The following CA13 variants were observed in gnomAD, a reference collection of about 807,000 sequenced individuals.
CA13 encodes carbonic anhydrase 13.
CA13 carries 21 observed loss-of-function variants against 31.5 expected under a neutral mutation model. That is an observed-to-expected ratio of 0.67 (90% CI 0.47 to 0.96). The LOEUF (loss-of-function observed/expected upper bound fraction) is 0.96. Among genes scored for constraint, CA13 ranks in the 40% least tolerant of loss-of-function variants. The probability of loss-of-function intolerance (pLI) is 0.00; values close to 1 mark genes in which losing one functional copy is unlikely to be tolerated. For missense variants in CA13, 315 were observed against 318.9 expected (o/e 0.99, Z 0.09); for synonymous variants, 117 against 111.4 (o/e 1.05, Z -0.32).
At chr8:85,249,717 A>T (rs1444392113) in intron 1 of CA13, 2 of 238,362 alleles carry the variant, frequency 8.4e-6, no homozygotes, top group African/African-American at 4.7e-5. Flanking sequence ...CTTAGTCAGT[A>T]GCCCAGTGTA....
intron 1 of CA13, among the ~76,000 whole-genome samples, chr8:85,248,086 C>T (rs1813761635): frequency 6.6e-6 from 1 of 152,202 alleles, no homozygotes; most frequent in Admixed American, 6.5e-5. Flanking sequence ...GCGAATGTGA[C>T]ATCACTGAAA....
In CA13 at chr8:85,267,926, C is replaced by A; in HGVS notation, c.475C>A (p.Gln159Lys). ...GATTGGTGAACCTAATTCCCAACTG[C>A]AAAAGATTACTGACACTTTGGATTC... ...LQIGEPNSQL[Q>K]KITDTLDSIK... Residue 159 changes from glutamine (Q) to lysine (K), a missense_variant, in exon 5 of 7, where the codon CAA becomes AAA. Gln to Lys is a moderately conservative substitution (Grantham distance 53). Coordinates refer to ENST00000321764, the MANE Select transcript of CA13 (RefSeq NM_198584.3). 1.9e-6 allele frequency: 3 copies of A among 1,595,848 alleles called. No homozygotes were observed. Among genetic ancestry groups the A allele is most frequent in the Non-Finnish European group, 2.6e-6 (3 of 1,166,832 alleles).
intron 1 of CA13, chr8:85,249,931 A>G (rs527507232): frequency 1.6e-5 from 6 of 373,012 alleles, no homozygotes; most frequent in Non-Finnish European, 3.2e-5. Flanking sequence ...GCTCGTTTCA[A>G]TTTCCCTAAC....
chr8:85,265,096 A>G (rs1387342788), intron 3 of CA13, among the ~76,000 whole-genome samples: 2 of 152,248 alleles, frequency 1.3e-5, no homozygotes, highest in African/African-American at 4.8e-5. Context: ...AGGATGGGAT[A>G]AACATGTATT....
chr8:85,279,509 G>C (rs1807665504), intron 6 of CA13, among the ~76,000 whole-genome samples: 1 of 152,204 alleles, frequency 6.6e-6, no homozygotes, highest in Non-Finnish European at 1.5e-5. Flanking sequence ...AAATACACAG[G>C]CTGGTCGGAG....
chr8:85,278,827 G>A (rs895830895), intron 6 of CA13, among the ~76,000 whole-genome samples: 1 of 152,110 alleles, frequency 6.6e-6, no homozygotes, highest in African/African-American at 2.4e-5. Context: ...GTTTCTCTGT[G>A]GTTAGTGCAT....
intron 2 of CA13, among the ~76,000 whole-genome samples, chr8:85,259,194 G>T (rs1238640811): frequency 2.0e-5 from 3 of 152,110 alleles, no homozygotes; most frequent in Non-Finnish European, 4.4e-5. Context: ...TTTCCCAGGT[G>T]TTCCATAAAA....
intron 4 of CA13, among the ~76,000 whole-genome samples, chr8:85,267,536 G>C (rs1436666730): frequency 6.6e-6 from 1 of 152,024 alleles, no homozygotes; most frequent in African/African-American, 2.4e-5. Flanking sequence ...TGAATTGAGG[G>C]GCTGACTGTC....
intron 5 of CA13, 103 bp downstream of exon 5, chr8:85,268,067 G>C: frequency 4.3e-6 from 3 of 693,904 alleles, no homozygotes; most frequent in Non-Finnish European, 7.0e-6. Context: ...TTTGAAGTTT[G>C]CAACATACTT....
intron 3 of CA13, among the ~76,000 whole-genome samples, chr8:85,262,078 A>G (rs967832447): frequency 6.6e-6 from 1 of 152,282 alleles, no homozygotes; most frequent in Non-Finnish European, 1.5e-5. Context: ...TTGAATGCAT[A>G]TTAAAGAACA....
Position 85,281,359 on chromosome 8 carries a change from C to A in CA13, c.*10C>A. The A allele has an allele frequency of 6.2e-7, 1 of 1,613,342 alleles. No homozygotes were observed. Among genetic ancestry groups the A allele is most frequent in the Non-Finnish European group, 8.5e-7 (1 of 1,179,568 alleles). Reference sequence around the variant, plus strand: ...AGCCTCTTTCCATTAAAAATTGTCACCAATGAACTCCCCCAAACATGGCTG... The same window carrying A: ...AGCCTCTTTCCATTAAAAATTGTCAACAATGAACTCCCCCAAACATGGCTG... On this transcript the variant is annotated 3_prime_UTR_variant, in exon 7 of 7. Coordinates refer to ENST00000321764, the MANE Select transcript of CA13 (RefSeq NM_198584.3).
chr8:85,267,489 G>T, intron 4 of CA13: 1 of 183,512 alleles, frequency 5.4e-6, no homozygotes, highest in African/African-American at 2.4e-5. Context: ...AGTGTGAGAT[G>T]TTTGCATCTA....
chr8:85,264,142 C>G (rs112278691), intron 3 of CA13, among the ~76,000 whole-genome samples: 1 of 152,144 alleles, frequency 6.6e-6, no homozygotes, highest in South Asian at 2.1e-4. Context: ...ATCGTCCATT[C>G]TGTGTTTGGA....
chr8:85,259,756 A>G (rs150697523), intron 3 of CA13, among the ~76,000 whole-genome samples: 54 of 152,340 alleles, frequency 3.5e-4, no homozygotes, highest in African/African-American at 1.3e-3. Context: ...TTAGGGTTAT[A>G]TGTTCCCATT....
At chr8:85,258,789 G>A (rs1342809456) in intron 2 of CA13, among the ~76,000 whole-genome samples, 8 of 63,164 alleles carry the variant, frequency 1.3e-4, no homozygotes, top group Non-Finnish European at 2.1e-4. Context: ...AAAAAAAAAA[G>A]GGCTGAGTGT....
rs112000789 is a variant in CA13, at chr8:85,257,049, C to T, written c.236-2372C>T. 3.0e-3 allele frequency among the ~76,000 whole-genome samples: 458 copies of T among 152,208 alleles called. 1 individual carries two copies. The highest frequency in any genetic ancestry group is 9.9e-3 in the African/African-American group (411 of 41,526). ...CCAAGCAAATTGCAGATGTGCTGTT[C>T]ATGTATCTTTACTTCAGAGAACAAG... On this transcript the variant is annotated intron_variant, in intron 2 of 6. Transcript: ENST00000321764.
chr8:85,254,028 C>T (rs955122297), intron 2 of CA13, among the ~76,000 whole-genome samples: 1 of 152,000 alleles, frequency 6.6e-6, no homozygotes, highest in Admixed American at 6.6e-5. Context: ...TCTGTAATCC[C>T]AGCACTTTGG....
Position 85,268,541 on chromosome 8 carries a change from T to C in CA13, c.583T>C (p.Tyr195His). ...LLPPSWDYWT[Y>H]PGSLTVPPLL... ...TCCACCATCCTGGGACTACTGGACA[T>C]ATCCTGGTTCTCTTACAGTTCCACC... Residue 195 changes from tyrosine to histidine, a missense_variant, in exon 6 of 7, where the codon TAT becomes CAT. Transcript: ENST00000321764. The C allele has an allele frequency of 6.2e-7, 1 of 1,614,094 alleles. No individual in the cohort carries two copies. Among genetic ancestry groups the C allele is most frequent in the Non-Finnish European group, 8.5e-7 (1 of 1,179,934 alleles).
At position 85,281,455 on chromosome 8, in the gene CA13, T is replaced by C; in HGVS notation, c.*106T>C. 1.3e-6 allele frequency: 2 copies of C among 1,495,282 alleles called. No individual in the cohort carries two copies. Among genetic ancestry groups the C allele is most frequent in the Non-Finnish European group, 1.8e-6 (2 of 1,117,376 alleles). 92.6% of individuals were successfully genotyped at this position (1,495,282 alleles called of 1,614,324 possible). A position where few individuals can be genotyped will look rare whatever the true frequency, so the allele number is the denominator to read the frequency against. On this transcript the variant is annotated 3_prime_UTR_variant, in exon 7 of 7. Coordinates refer to ENST00000321764, the MANE Select transcript of CA13 (RefSeq NM_198584.3). ...AACTCTTTTGTGGAATTCTAATTTA[T>C]AGGAAACATTTTAGTATGAGCTTCA...
Sources: gnomAD v4.1 joint callset for allele counts (sites outside exome capture counted in the v4.1 genomes callset) on GRCh38, gnomAD v4.1.1 for gene constraint, MANE v1.5 for transcripts, NCBI Gene and HGNC (gene_info 2026-07-23, HGNC 2026-07-21) for gene names.